The following CLIC6 variants were observed in gnomAD, a reference collection of about 807,000 sequenced individuals.
CLIC6 encodes the protein chloride intracellular channel protein 6.
In CLIC6, 39 loss-of-function variants were observed where a neutral mutation model predicts 49.2. That is an observed-to-expected ratio of 0.79 (90% confidence interval 0.61 to 1.04). The LOEUF is 1.04. CLIC6 is among the 50% of genes least tolerant of loss of function. CLIC6 has a pLI of 0.00. For missense variants in CLIC6, 988 were observed against 993.1 expected (o/e 0.99, Z 0.07); for synonymous variants, 446 against 433.4 (o/e 1.03, Z -0.36).
intron 5 of CLIC6, among the ~76,000 whole-genome samples, chr21:34,712,093 G>A (rs1326232154): frequency 6.6e-6 from 1 of 152,170 alleles, no homozygotes; most frequent in African/African-American, 2.4e-5. Flanking sequence ...AGTAGAAAGG[G>A]TAAGCTTTAG....
chr21:34,714,702 A>C (rs2056076665), intron 5 of CLIC6, among the ~76,000 whole-genome samples: 1 of 151,530 alleles, frequency 6.6e-6, no homozygotes, highest in African/African-American at 2.4e-5. Context: ...CAAAAAAAAA[A>C]AAAAAAAACT....
chr21:34,697,012 T>C (rs900834727), intron 1 of CLIC6, among the ~76,000 whole-genome samples: 5 of 151,906 alleles, frequency 3.3e-5, no homozygotes, highest in African/African-American at 1.2e-4. Flanking sequence ...GCCTGCAGGG[T>C]CTTCTGATTG....
At chr21:34,710,779 C>G (rs2056051348) in intron 5 of CLIC6, among the ~76,000 whole-genome samples, 1 of 152,112 alleles carries the variant, frequency 6.6e-6, no homozygotes, top group African/African-American at 2.4e-5. Flanking sequence ...CACCACTGAA[C>G]TCCAGCTTGG....
At chr21:34,708,352 A>C (rs1029486433) in intron 3 of CLIC6, among the ~76,000 whole-genome samples, 1 of 152,028 alleles carries the variant, frequency 6.6e-6, no homozygotes, top group Non-Finnish European at 1.5e-5. Context: ...GAAGCTATGG[A>C]GTATGTGTTA....
At chr21:34,707,119 C>T (rs950937236) in intron 1 of CLIC6, among the ~76,000 whole-genome samples, 161 bp from the exon 2 acceptor site, 55 of 152,068 alleles carry the variant, frequency 3.6e-4, no homozygotes, top group African/African-American at 1.2e-3. Context: ...CTACATCCAC[C>T]GCCAACTCCA....
intron 3 of CLIC6, 126 bp downstream of exon 3, chr21:34,708,195 T>A: frequency 8.8e-7 from 1 of 1,131,172 alleles, no homozygotes; most frequent in Non-Finnish European, 1.3e-6. Context: ...ACTTCCTTAA[T>A]CATAACCCTG....
intron 1 of CLIC6, among the ~76,000 whole-genome samples, chr21:34,698,573 C>T (rs1232363136): frequency 1.3e-5 from 2 of 152,050 alleles, no homozygotes; most frequent in African/African-American, 4.8e-5. Flanking sequence ...GGAAGGAGAG[C>T]AGATTATCCA....
intron 1 of CLIC6, among the ~76,000 whole-genome samples, chr21:34,694,347 G>T (rs577247329): frequency 9.3e-4 from 141 of 152,088 alleles, no homozygotes; most frequent in African/African-American, 3.3e-3. Flanking sequence ...TGCCCAGGCT[G>T]AAGTGCGGTA....
At chr21:34,677,965 A>G (rs1209925197) in intron 1 of CLIC6, among the ~76,000 whole-genome samples, 1 of 152,216 alleles carries the variant, frequency 6.6e-6, no homozygotes, top group East Asian at 1.9e-4. Context: ...CATGAAAAAT[A>G]TATGAAATTC....
At chr21:34,710,544 C>T (rs189203337) in intron 5 of CLIC6, among the ~76,000 whole-genome samples, 171 of 152,110 alleles carry the variant, frequency 1.1e-3, no homozygotes, top group Non-Finnish European at 2.0e-3. Flanking sequence ...CCAGGCATGG[C>T]GGCTCACGCC....
At chr21:34,685,875 AAAC>A (rs1989867221) in intron 1 of CLIC6, among the ~76,000 whole-genome samples, 1 of 152,196 alleles carries the variant, frequency 6.6e-6, no homozygotes, top group Non-Finnish European at 1.5e-5. Flanking sequence ...GCTGAGTACA[AAAC>A]AACAACTCCA....
rs369275068 is a variant in CLIC6, at chr21:34,709,343, C to T, written c.1718-14C>T. 4 of 1,603,114 alleles carry T rather than the reference C, an allele frequency of 2.5e-6. No individual in the cohort carries two copies. In the African/African-American group the frequency reaches 5.4e-5, roughly 22 times the overall value. ...GCAAACCTCTCTTTGTGATTTCTTGCCCTTCTGTTTTAGTTCATGAAAAGA... is the reference window on the plus strand; with the variant it reads ...GCAAACCTCTCTTTGTGATTTCTTGTCCTTCTGTTTTAGTTCATGAAAAGA... On this transcript the variant is annotated splice_polypyrimidine_tract_variant and intron_variant, in intron 4 of 5. Coordinates refer to ENST00000349499, the MANE Select transcript of CLIC6 (RefSeq NM_053277.3).
rs546336753 is a variant in CLIC6, at chr21:34,716,471, A to G, written c.2050A>G (p.Arg684Gly). ...ACACGCATATTCAGATGTTGCAAAA[A>G]GAATGAAATGAAGCTGGGCTGTTTT... ...IEHAYSDVAK[R>G]MK The change falls in exon 6 of 6, where the codon AGA (arginine) becomes GGA (glycine). Residue 684 changes from arginine to glycine, a missense_variant. This residue lies in a region of CLIC6 where 647 missense variants were observed against 596.9 expected (regional missense o/e 1.08). Transcript: ENST00000349499. 6.2e-7 allele frequency: 1 copy of G among 1,610,160 alleles called. No individual in the cohort carries two copies. Among genetic ancestry groups the G allele is most frequent in the East Asian group, 2.2e-5 (1 of 44,726 alleles).
At chr21:34,670,838 A>G in intron 1 of CLIC6, 76 bp downstream of exon 1, 1 of 1,455,094 alleles carries the variant, frequency 6.9e-7, no homozygotes, top group South Asian at 1.3e-5. Context: ...TCCCAGAGGG[A>G]CGCGCAGGGA....
intron 1 of CLIC6, among the ~76,000 whole-genome samples, chr21:34,699,766 G>T (rs2145812697): frequency 6.6e-6 from 1 of 152,310 alleles, no homozygotes; most frequent in Admixed American, 6.5e-5. Context: ...GTTAAGAACG[G>T]AGGTTTAATA....
chr21:34,677,235 C>T (rs1006799731), intron 1 of CLIC6, among the ~76,000 whole-genome samples: 8 of 152,164 alleles, frequency 5.3e-5, no homozygotes, highest in Non-Finnish European at 1.2e-4. Flanking sequence ...AAGACAGTCT[C>T]TTATTGTTTT....
In CLIC6 at chr21:34,707,379, G is replaced by A. The variant is rs1201852844; in HGVS notation, c.1474G>A (p.Asp492Asn). ...KGVIFNVTTVDLKRKPADLQN... is the reference protein window; with the variant it reads ...KGVIFNVTTVNLKRKPADLQN... ...CGTTATATTTAATGTGACCACAGTG[G>A]ACCTGAAAAGGTAAGACAAGGCGTC... Residue 492 changes from aspartate (D) to asparagine (N), a missense_variant, in exon 2 of 6, where the codon GAC becomes AAC. Asp to Asn is a conservative substitution (Grantham distance 23). Transcript: ENST00000349499. 4 of 1,608,908 alleles carry A rather than the reference G, an allele frequency of 2.5e-6. No homozygotes were observed. The South Asian group carries it at 3.3e-5, about 13-fold the overall frequency.
intron 5 of CLIC6, among the ~76,000 whole-genome samples, chr21:34,713,109 G>A (rs986536131): frequency 6.6e-6 from 1 of 152,176 alleles, no homozygotes; most frequent in Non-Finnish European, 1.5e-5. Flanking sequence ...GAATGCCAGT[G>A]AGACCTTGGG....
At chr21:34,711,971 G>A (rs765717943) in intron 5 of CLIC6, among the ~76,000 whole-genome samples, 6 of 152,284 alleles carry the variant, frequency 3.9e-5, no homozygotes, top group Non-Finnish European at 7.3e-5. Context: ...TGTGACCAGC[G>A]TAGCATTGCA....
Sources: allele counts gnomAD v4.1 joint callset (sites outside exome capture counted in the v4.1 genomes callset), GRCh38; gene constraint gnomAD v4.1.1; regional missense constraint gnomAD v4.1.1; transcripts MANE v1.5; gene names NCBI Gene and HGNC (gene_info 2026-07-23, HGNC 2026-07-21).